Variants in PEX6 observed in about 807,000 individuals in gnomAD.
The protein encoded by PEX6 is peroxisomal biogenesis factor 6, also known as peroxisome biogenesis factor 6.
PEX6 carries 55 observed loss-of-function variants against 85.6 expected under a neutral mutation model. The observed-to-expected ratio is 0.64, with a 90% CI of 0.52 to 0.80. The LOEUF (loss-of-function observed/expected upper bound fraction) is 0.80. Ranked by LOEUF, PEX6 falls within the 30% of genes least tolerant of loss-of-function variation. The pLI is 0.00. For synonymous variants in PEX6, 519 were observed against 549.1 expected (o/e 0.95, Z 0.77); for missense variants, 1,099 against 1,260.3 (o/e 0.87, Z 1.94).
At position 42,968,414 on chromosome 6, in the gene PEX6, G is replaced by A. The variant is rs561419771; in HGVS notation, c.1564C>T (p.Arg522Trp). Residue 522 changes from arginine to tryptophan, a missense_variant, in exon 7 of 17, where the codon CGG (arginine) becomes TGG (tryptophan). Around this residue, in one of 3 missense-constraint regions of PEX6, gnomAD observed 514 missense variants for 627.0 expected, o/e 0.82. Transcript: ENST00000304611. Reference sequence around the variant, plus strand: ...GCTGTGAGCAACAGGACTGCAGGCCGGCAACGGCGGGCCCGGGAGAAGATG... The same window carrying A: ...GCTGTGAGCAACAGGACTGCAGGCCAGCAACGGCGGGCCCGGGAGAAGATG... ...QAIFSRARRC[R>W]PAVLLLTAVD... is the part of the protein sequence containing the mutation. 34 of 1,613,598 alleles carry A rather than the reference G, an allele frequency of 2.1e-5. No homozygotes were observed. Among genetic ancestry groups the A allele is most frequent in the Admixed American group, 3.3e-5 (2 of 59,956 alleles).
chr6:42,968,397 C>G lies in PEX6; in HGVS notation c.1581G>C (p.Leu527Phe). ...GGCCCAGAAGGTCCACAGCTGTGAG[C>G]AACAGGACTGCAGGCCGGCAACGGC... ...RARRCRPAVL[L>F]LTAVDLLGRD... Residue 527 changes from leucine to phenylalanine, a missense_variant, in exon 7 of 17, where the codon TTG becomes TTC. Coordinates refer to ENST00000304611, the MANE Select transcript of PEX6 (RefSeq NM_000287.4). The G allele has an allele frequency of 6.2e-7, 1 of 1,614,106 alleles. No individual in the cohort carries two copies. The highest frequency in any genetic ancestry group is 8.5e-7 in the Non-Finnish European group (1 of 1,180,034).
At chr6:42,975,342 T>C (rs1165053205) in intron 1 of PEX6, among the ~76,000 whole-genome samples, 1 of 152,196 alleles carries the variant, frequency 6.6e-6, no homozygotes, top group Non-Finnish European at 1.5e-5. Context: ...CCACAAGACC[T>C]ATTAGTGACA....
intron 3 of PEX6, among the ~76,000 whole-genome samples, 156 bp downstream of exon 3, chr6:42,973,847 G>C (rs949434449): frequency 2.0e-5 from 3 of 152,108 alleles, no homozygotes; most frequent in South Asian, 2.1e-4. Flanking sequence ...CTGGGTAACA[G>C]AGCAAGAACC....
At chr6:42,977,651 G>C (rs1219072102) in intron 1 of PEX6, among the ~76,000 whole-genome samples, 2 of 150,364 alleles carry the variant, frequency 1.3e-5, no homozygotes, top group African/African-American at 4.9e-5. Context: ...GTCGTGGCGC[G>C]AGCCAGTAGT....
intron 7 of PEX6, 51 bp downstream of exon 7, chr6:42,968,239 C>G (rs766678848): frequency 6.6e-7 from 1 of 1,506,266 alleles, no homozygotes; most frequent in Non-Finnish European, 9.2e-7. Flanking sequence ...TGTGAGCCAC[C>G]GCGCCCAGCC....
chr6:42,975,906 T>G (rs893131106), intron 1 of PEX6, among the ~76,000 whole-genome samples: 2 of 151,976 alleles, frequency 1.3e-5, no homozygotes, highest in Non-Finnish European at 2.9e-5. Context: ...TATTTTTTTC[T>G]TGAGATGGAG....
Position 42,964,838 on chromosome 6 carries a change from C to T in PEX6, c.2758G>A (p.Asp920Asn), listed in dbSNP as rs778716991. 2.5e-6 allele frequency: 4 copies of T among 1,614,168 alleles called. No homozygotes were observed. The highest frequency in any genetic ancestry group is 3.4e-6 in the Non-Finnish European group (4 of 1,180,040). ...CGTTTGAGGGCAGCTGTCATAGCATCAGAGCAGAGAGAGTAGAGGTCCGCG... is the reference window on the plus strand; with the variant it reads ...CGTTTGAGGGCAGCTGTCATAGCATTAGAGCAGAGAGAGTAGAGGTCCGCG... ...TGADLYSLCSDAMTAALKRRV... is the reference protein window; with the variant it reads ...TGADLYSLCSNAMTAALKRRV... The change falls in exon 16 of 17, where the codon GAT becomes AAT. Residue 920 changes from aspartate (D) to asparagine (N), a missense_variant. Asp to Asn is a conservative substitution (Grantham distance 23, BLOSUM62 1). Around this residue, in one of 3 missense-constraint regions of PEX6, gnomAD observed 514 missense variants for 627.0 expected, o/e 0.82. Coordinates refer to ENST00000304611, the MANE Select transcript of PEX6 (RefSeq NM_000287.4). This position sits in a 1 kb window ranked among gnomAD's most constrained non-coding sequence, Gnocchi z 4.6.
At position 42,965,923 on chromosome 6, in the gene PEX6, G is replaced by A. The variant is rs1769779453; in HGVS notation, c.2362+121C>T. The A allele has an allele frequency of 1.2e-5, 17 of 1,370,272 alleles. 1 individual carries two copies. In the South Asian group the frequency reaches 1.9e-4, roughly 15 times the overall value. The allele number at this position is 1,370,272 out of a possible 1,614,324, so 84.9% of individuals were successfully genotyped here. On this transcript the variant is annotated intron_variant, in intron 12 of 16. Coordinates refer to ENST00000304611, the MANE Select transcript of PEX6 (RefSeq NM_000287.4). The surrounding 1 kb of genome is among the most constrained non-coding windows in gnomAD (Gnocchi z 5.0). ...CCAGGTACTAGACCCAGCTGGGCAG[G>A]AACCTGACTTGTAGAAAGGAGGATT...
At position 42,964,681 on chromosome 6, in the gene PEX6, C is replaced by T; in HGVS notation, c.2806+109G>A. 1 of 1,488,532 alleles carries T rather than the reference C, an allele frequency of 6.7e-7. No individual in the cohort carries two copies. Among genetic ancestry groups the T allele is most frequent in the Non-Finnish European group, 9.3e-7 (1 of 1,069,970 alleles). The allele number at this position is 1,488,532 out of a possible 1,614,324, so 92.2% of individuals were successfully genotyped here. A position where few individuals can be genotyped will look rare whatever the true frequency, so the allele number is the denominator to read the frequency against. On this transcript the variant is annotated intron_variant, in intron 16 of 16. Coordinates refer to ENST00000304611, the MANE Select transcript of PEX6 (RefSeq NM_000287.4). This position sits in a 1 kb window ranked among gnomAD's most constrained non-coding sequence, Gnocchi z 4.6. ...TGTTGCCCAGGCTGGCCTCAAACTC[C>T]TGGGCTCAAGCGATCCTCCCACCTC...
At position 42,965,760 on chromosome 6, in the gene PEX6, A is replaced by G. The variant is rs899437403; in HGVS notation, c.2392T>C (p.Cys798Arg). 2 of 1,613,986 alleles carry G rather than the reference A, an allele frequency of 1.2e-6. No homozygotes were observed. Among genetic ancestry groups the G allele is most frequent in the Non-Finnish European group, 1.7e-6 (2 of 1,179,990 alleles). The change falls in exon 13 of 17, where the codon TGC (cysteine) becomes CGC (arginine). Residue 798 changes from cysteine (C) to arginine (R), a missense_variant. Transcript: ENST00000304611. This position sits in a 1 kb window ranked among gnomAD's most constrained non-coding sequence, Gnocchi z 5.0. Reference protein sequence around the residue: ...VFARARAAAPCIIFFDELDSL... With the variant: ...VFARARAAAPRIIFFDELDSL... ...TCCAGTTCATCAAAGAAGATAATGC[A>G]TGGAGCTGCAGCCCTGGCCCTGGCA...
chr6:42,976,173 TG>T (rs1770290478), intron 1 of PEX6, among the ~76,000 whole-genome samples: 1 of 152,226 alleles, frequency 6.6e-6, no homozygotes, highest in East Asian at 1.9e-4. Flanking sequence ...ATTTAATTTT[TG>T]TATTTTTTAA....
rs61753209 is a variant in PEX6 at position 42,978,839 on chromosome 6, AC to A, written c.311del (p.Gly104ValfsTer22). The A allele has an allele frequency of 4.1e-5, 62 of 1,516,872 alleles. No individual in the cohort carries two copies. Among genetic ancestry groups the A allele is most frequent in the Non-Finnish European group, 5.3e-5 (61 of 1,140,348 alleles). The allele number at this position is 1,516,872 out of a possible 1,614,324, so 94.0% of individuals were successfully genotyped here. On this transcript the variant is annotated frameshift_variant, in exon 1 of 17. Transcript: ENST00000304611. LOFTEE classifies it high-confidence loss of function. ...ARAVRRPPALGWALLGTSLGP... is the reference protein window; with the variant it reads ...ARAVRRPPALXWALLGTSLGP... ...CCAGCGAGGTGCCAAGCAGTGCCCA[AC>A]CTAGCGCCGGGGGCCGCCGCACCGC...
chr6:42,978,752 C>A lies in PEX6; in HGVS notation c.399G>T (p.Val133=), dbSNP rs9462858. Residue 133 remains valine, a synonymous_variant, in exon 1 of 17, where the codon GTG becomes GTT. Coordinates refer to ENST00000304611, the MANE Select transcript of PEX6 (RefSeq NM_000287.4). ...GCGTCTCCAGCACCCGCGGTCCGGG[C>A]ACTGGGAGGGTCTCTCCGCGCCTCA... The part of the protein sequence containing the change: ...LLVRRGETLP[V]PGPRVLETRP... The A allele has an allele frequency of 0.43, 661,355 of 1,535,058 alleles. 145,898 individuals are homozygous for A. The highest frequency in any genetic ancestry group is 0.47 in the Middle Eastern group (2,490 of 5,322).
rs1402889361 is a variant in PEX6, at chr6:42,964,666, G to A, written c.2806+124C>T. On this transcript the variant is annotated intron_variant, in intron 16 of 16. Coordinates refer to ENST00000304611, the MANE Select transcript of PEX6 (RefSeq NM_000287.4). The surrounding 1 kb of genome is among the most constrained non-coding windows in gnomAD (Gnocchi z 4.6). ...GTTGGGGTCTCTCTGTGTTGCCCAG[G>A]CTGGCCTCAAACTCCTGGGCTCAAG... is the stretch of plus-strand genomic sequence containing the variant. 8 of 1,388,482 alleles carry A rather than the reference G, an allele frequency of 5.8e-6. No homozygotes were observed. The highest frequency in any genetic ancestry group is 8.2e-6 in the Non-Finnish European group (8 of 980,958). The allele number at this position is 1,388,482 out of a possible 1,614,324, so 86.0% of individuals were successfully genotyped here. A position where few individuals can be genotyped will look rare whatever the true frequency, so the allele number is the denominator to read the frequency against.
At chr6:42,972,810 C>G (rs930978366) in intron 3 of PEX6, among the ~76,000 whole-genome samples, 8 of 149,326 alleles carry the variant, frequency 5.4e-5, no homozygotes, top group African/African-American at 1.5e-4. Context: ...CTCCTGTTTT[C>G]AGAGATAGGA....
rs1769605952 is a variant in PEX6 at position 42,963,958 on chromosome 6, T to TC, written c.*376dup. On this transcript the variant is annotated 3_prime_UTR_variant, in exon 17 of 17. Transcript: ENST00000304611. ...CCCACCCTCTCCCAGGGCTTACTCC[T>TC]CCCACAACCCTGCTCTTTCTCACTC... 2.7e-6 allele frequency: 1 copy of TC among 367,680 alleles called. No individual in the cohort carries two copies. 22.8% of individuals were successfully genotyped at this position (367,680 alleles called of 1,614,324 possible). A position where few individuals can be genotyped will look rare whatever the true frequency, so the allele number is the denominator to read the frequency against.
Position 42,974,090 on chromosome 6 carries a change from C to A in PEX6, c.1047-4G>T, listed in dbSNP as rs748779475. 1.4e-5 allele frequency: 22 copies of A among 1,612,244 alleles called. No individual in the cohort carries two copies. The highest frequency in any genetic ancestry group is 1.0e-4 in the Admixed American group (6 of 59,970). On this transcript the variant is annotated splice_polypyrimidine_tract_variant and splice_region_variant and intron_variant, in intron 2 of 16. Transcript: ENST00000304611. ...AACATCCCCTTCCTGGACTACCCTGCAACACAGCAGTGGCCCTGGTCAGGT... is the reference window on the plus strand; with the variant it reads ...AACATCCCCTTCCTGGACTACCCTGAAACACAGCAGTGGCCCTGGTCAGGT...
At chr6:42,974,254 A>T (rs1770176655) in intron 2 of PEX6, among the ~76,000 whole-genome samples, 168 bp from the exon 3 acceptor site, 1 of 152,074 alleles carries the variant, frequency 6.6e-6, no homozygotes, top group Non-Finnish European at 1.5e-5. Flanking sequence ...AGCTAGGGGA[A>T]ATGGTGGAGA....
At chr6:42,973,588 C>T (rs1274299056) in intron 3 of PEX6, among the ~76,000 whole-genome samples, 1 of 152,098 alleles carries the variant, frequency 6.6e-6, no homozygotes, top group African/African-American at 2.4e-5. Context: ...GTGAGTGGTG[C>T]ACACCTGTAA....
Sources: gnomAD v4.1 joint callset for allele counts (sites outside exome capture counted in the v4.1 genomes callset) on GRCh38, gnomAD v4.1.1 for gene constraint, gnomAD v4.1.1 regional missense constraint, Gnocchi (gnomAD v3.1) non-coding constraint, MANE v1.5 for transcripts, NCBI Gene and HGNC (gene_info 2026-07-23, HGNC 2026-07-21) for gene names.